Variants in PSME4 observed in about 807,000 individuals in gnomAD.
The protein encoded by PSME4 is proteasome activator subunit 4.
PSME4 carries 89 observed loss-of-function variants against 253.9 expected under a neutral mutation model. The ratio of observed to expected loss-of-function variants is 0.35; its 90% CI spans 0.30 to 0.42. The LOEUF (loss-of-function observed/expected upper bound fraction) is 0.42, where lower values mean the gene tolerates loss of function less well. PSME4 is among the 10% of genes least tolerant of loss of function. The pLI is 1.00. For missense variants in PSME4, 2,014 were observed against 2,195.2 expected (o/e 0.92, Z 1.65); for synonymous variants, 851 against 759.2 (o/e 1.12, Z -1.99).
intron 28 of PSME4, among the ~76,000 whole-genome samples, chr2:53,901,039 A>T (rs1380363687): frequency 6.6e-6 from 1 of 152,186 alleles, no homozygotes; most frequent in African/African-American, 2.4e-5. Flanking sequence ...AAACCTCATA[A>T]AATATAATTA....
intron 4 of PSME4, among the ~76,000 whole-genome samples, chr2:53,939,039 G>C (rs1386611658): frequency 6.6e-6 from 1 of 152,056 alleles, no homozygotes; most frequent in Non-Finnish European, 1.5e-5. Flanking sequence ...CAAGTTTCCA[G>C]TGAGGAAACA....
rs559879459 is a variant in PSME4 at position 53,888,893 on chromosome 2, T to A, written c.4297-81A>T. The A allele has an allele frequency of 2.5e-6, 3 of 1,204,552 alleles. No homozygotes were observed. In the African/African-American group the frequency reaches 4.5e-5, roughly 18 times the overall value. 74.6% of individuals were successfully genotyped at this position (1,204,552 alleles called of 1,614,324 possible). On this transcript the variant is annotated intron_variant, in intron 37 of 46. Transcript: ENST00000404125. Reference sequence around the variant, plus strand: ...AATCATACTCAGTTATTTAATTTAATTTTATTTTTGAGGCTAGGTCTAACT... The same window carrying A: ...AATCATACTCAGTTATTTAATTTAAATTTATTTTTGAGGCTAGGTCTAACT...
intron 37 of PSME4, among the ~76,000 whole-genome samples, chr2:53,889,508 G>A (rs1432537850): frequency 6.6e-6 from 1 of 151,846 alleles, no homozygotes; most frequent in Admixed American, 6.6e-5. Flanking sequence ...CATCTCCTCA[G>A]GTTGGCTGAA....
chr2:53,874,401 C>G lies in PSME4; in HGVS notation c.5038G>C (p.Glu1680Gln). Reference sequence around the variant, plus strand: ...CACCTGATATCTTTAACTGCATCTTCATTGTTTAGGAAAATAAAGAGGTTA... The same window carrying G: ...CACCTGATATCTTTAACTGCATCTTGATTGTTTAGGAAAATAAAGAGGTTA... ...FYNLFIFLNN[E>Q]DAVKDIRWLV... Residue 1680 changes from glutamate (E) to glutamine (Q), a missense_variant, in exon 43 of 47, where the codon GAA (glutamate) becomes CAA (glutamine). Around this residue, in one of 4 missense-constraint regions of PSME4, gnomAD observed 403 missense variants for 556.1 expected, o/e 0.72. Coordinates refer to ENST00000404125, the MANE Select transcript of PSME4 (RefSeq NM_014614.3). The G allele has an allele frequency of 6.2e-7, 1 of 1,613,914 alleles. No individual in the cohort carries two copies. Among genetic ancestry groups the G allele is most frequent in the South Asian group, 1.1e-5 (1 of 91,090 alleles).
At chr2:53,960,736 G>C (rs780232027) in intron 1 of PSME4, among the ~76,000 whole-genome samples, 1 of 152,154 alleles carries the variant, frequency 6.6e-6, no homozygotes, top group Admixed American at 6.6e-5. Flanking sequence ...ATAACTTAAC[G>C]GTTCTTCAGT....
At chr2:53,966,758 G>C (rs570230353) in intron 1 of PSME4, among the ~76,000 whole-genome samples, 18 of 152,066 alleles carry the variant, frequency 1.2e-4, no homozygotes, top group South Asian at 6.2e-4. Flanking sequence ...GCCGAGGCTG[G>C]AGTGGCGCTT....
At chr2:53,914,606 G>A (rs1311110338) in intron 20 of PSME4, among the ~76,000 whole-genome samples, 1 of 152,194 alleles carries the variant, frequency 6.6e-6, no homozygotes, top group African/African-American at 2.4e-5. Flanking sequence ...TTAGTGGCCA[G>A]GCGCAGTGGC....
At chr2:53,937,918 A>T (rs1398807250) in intron 4 of PSME4, among the ~76,000 whole-genome samples, 1 of 151,986 alleles carries the variant, frequency 6.6e-6, no homozygotes, top group African/African-American at 2.4e-5. Context: ...ATTAGAGCCC[A>T]GGAGATGGAG....
intron 20 of PSME4, among the ~76,000 whole-genome samples, chr2:53,911,958 T>C (rs1667846151): frequency 6.6e-6 from 1 of 152,234 alleles, no homozygotes; most frequent in South Asian, 2.1e-4. Flanking sequence ...TGTTTTCTTA[T>C]CAGGGAATTT....
intron 32 of PSME4, 51 bp downstream of exon 32, chr2:53,896,753 T>G: frequency 7.0e-7 from 1 of 1,423,556 alleles, no homozygotes. Context: ...GTCAAGAAAA[T>G]TTTCTGAGTT....
intron 40 of PSME4, among the ~76,000 whole-genome samples, chr2:53,886,013 A>C (rs930245855): frequency 5.3e-5 from 8 of 152,246 alleles, no homozygotes; most frequent in Non-Finnish European, 7.3e-5. Flanking sequence ...GTAGAAAGAC[A>C]ACCCACAGAA....
chr2:53,904,249 C>A, intron 26 of PSME4, 93 bp from the exon 27 acceptor site: 1 of 1,267,206 alleles, frequency 7.9e-7, no homozygotes, highest in Admixed American at 2.4e-5. Flanking sequence ...TGATAATTTA[C>A]ATGTTTTTCT....
chr2:53,883,337 A>C (rs892593036), intron 41 of PSME4, among the ~76,000 whole-genome samples: 2 of 152,134 alleles, frequency 1.3e-5, no homozygotes, highest in East Asian at 3.9e-4. Flanking sequence ...TCTCTACAAA[A>C]ATTTTTGAGA....
chr2:53,892,883 A>T lies in PSME4; in HGVS notation c.4116T>A (p.His1372Gln), dbSNP rs904370970. The change falls in exon 36 of 47, where the codon CAT becomes CAA. Residue 1372 changes from histidine to glutamine, a missense_variant. Physicochemically the swap from His to Gln is conservative, Grantham distance 24. Around this residue, in one of 4 missense-constraint regions of PSME4, gnomAD observed 403 missense variants for 556.1 expected, o/e 0.72. Transcript: ENST00000404125. ...PHLEHLVADS[H>Q]ESTQRCVAEI... ...CTGCAACACATCGCTGGGTGCTTTC[A>T]TGTGAATCTGCAACCAAATGTTCTA... The T allele has an allele frequency of 6.2e-7, 1 of 1,613,794 alleles. No homozygotes were observed. Among genetic ancestry groups the T allele is most frequent in the Non-Finnish European group, 8.5e-7 (1 of 1,179,898 alleles).
intron 41 of PSME4, among the ~76,000 whole-genome samples, chr2:53,881,756 G>A (rs1182385976): frequency 2.0e-5 from 3 of 152,064 alleles, no homozygotes; most frequent in Non-Finnish European, 2.9e-5. Context: ...GCTAATTTTT[G>A]TATTTTTAGT....
At chr2:53,872,448 T>C (rs1441589222) in intron 43 of PSME4, among the ~76,000 whole-genome samples, 1 of 152,198 alleles carries the variant, frequency 6.6e-6, no homozygotes, top group Non-Finnish European at 1.5e-5. Context: ...GTTATGTTTA[T>C]ATAACAGCTA....
At chr2:53,923,522 A>C in intron 14 of PSME4, 103 bp from the exon 15 acceptor site, 1 of 1,359,206 alleles carries the variant, frequency 7.4e-7, no homozygotes, top group African/African-American at 1.5e-5. Flanking sequence ...TTCCAAAAAT[A>C]AGCCCATAGG....
intron 20 of PSME4, 123 bp from the exon 21 acceptor site, chr2:53,910,253 T>C: frequency 1.3e-6 from 1 of 756,214 alleles, no homozygotes; most frequent in African/African-American, 1.7e-5. Flanking sequence ...CAGACACAGA[T>C]TTCCCATCTT....
At chr2:53,957,917 A>G (rs1294330320) in intron 1 of PSME4, among the ~76,000 whole-genome samples, 1 of 152,144 alleles carries the variant, frequency 6.6e-6, no homozygotes, top group African/African-American at 2.4e-5. Context: ...TCACTTTTCA[A>G]TCTCCTGTGG....
Sources: allele counts gnomAD v4.1 joint callset (sites outside exome capture counted in the v4.1 genomes callset), GRCh38; gene constraint gnomAD v4.1.1; regional missense constraint gnomAD v4.1.1; transcripts MANE v1.5; gene names NCBI Gene and HGNC (gene_info 2026-07-23, HGNC 2026-07-21).